The following BCL7A variants were observed in gnomAD, a reference collection of about 807,000 sequenced individuals.
The protein encoded by BCL7A is B-cell CLL/lymphoma 7 protein family member A.
BCL7A carries 11 observed loss-of-function variants against 28.4 expected under a neutral mutation model. The observed-to-expected ratio is 0.39, with a 90% CI of 0.24 to 0.64. The LOEUF (loss-of-function observed/expected upper bound fraction) is 0.64. Ranked by LOEUF, BCL7A falls within the 30% of genes least tolerant of loss-of-function variation. The pLI, the probability that BCL7A is intolerant of heterozygous loss-of-function variation, is 0.50. For missense variants in BCL7A, 222 were observed against 274.8 expected, an observed-to-expected ratio of 0.81 and a Z score of 1.36; for synonymous variants, 123 against 103.3, an observed-to-expected ratio of 1.19 and a Z score of -1.15.
intron 1 of BCL7A, among the ~76,000 whole-genome samples, chr12:122,023,281 G>C (rs2135834338): frequency 6.6e-6 from 1 of 152,324 alleles, no homozygotes; most frequent in Admixed American, 6.5e-5. Flanking sequence ...GTCCCGGAGG[G>C]AGAGGAGCCG....
chr12:122,027,881 C>T (rs2135839965), intron 1 of BCL7A, among the ~76,000 whole-genome samples: 1 of 152,198 alleles, frequency 6.6e-6, no homozygotes, highest in Middle Eastern at 3.4e-3. Context: ...ATGAGTATAG[C>T]TTAATACCCT....
chr12:122,061,919 G>T lies in BCL7A; in HGVS notation c.*2756G>T, dbSNP rs376448883. ...GTTACCTAATTTTTTCCCCTTTCAA[G>T]AATTTTTTTTTTTTTTGGTGTGTTG... On this transcript the variant is annotated 3_prime_UTR_variant, in exon 6 of 6. Coordinates refer to ENST00000261822, the MANE Select transcript of BCL7A (RefSeq NM_001024808.3). The T allele has an allele frequency of 6.3e-5, 13 of 206,328 alleles. No individual in the cohort carries two copies. The East Asian group carries it at 8.1e-4, about 13-fold the overall frequency. The allele number at this position is 206,328 out of a possible 1,614,324, so 12.8% of individuals were successfully genotyped here.
At chr12:122,025,440 T>C (rs1404388840) in intron 1 of BCL7A, among the ~76,000 whole-genome samples, 2 of 149,202 alleles carry the variant, frequency 1.3e-5, no homozygotes, top group African/African-American at 2.5e-5. Flanking sequence ...CTGGCAAACA[T>C]GGTGAAACCC....
At chr12:122,057,476 C>T (rs992802822) in intron 5 of BCL7A, among the ~76,000 whole-genome samples, 2 of 152,126 alleles carry the variant, frequency 1.3e-5, no homozygotes, top group Non-Finnish European at 2.9e-5. Flanking sequence ...GTTGCTGGGG[C>T]CATCCTGTTG....
At chr12:122,032,844 C>G (rs887114282) in intron 2 of BCL7A, among the ~76,000 whole-genome samples, 3 of 152,160 alleles carry the variant, frequency 2.0e-5, no homozygotes, top group Admixed American at 2.0e-4. Flanking sequence ...CCATGTGCCA[C>G]TCCCCCACCC....
chr12:122,051,703 C>T (rs972178046), intron 4 of BCL7A, among the ~76,000 whole-genome samples: 3 of 152,120 alleles, frequency 2.0e-5, no homozygotes, highest in African/African-American at 7.2e-5. Context: ...CACCCACCTC[C>T]CCCACCACTC....
intron 1 of BCL7A, among the ~76,000 whole-genome samples, chr12:122,024,195 T>A (rs1593020463): frequency 6.6e-6 from 1 of 152,202 alleles, no homozygotes; most frequent in South Asian, 2.1e-4. Context: ...AAACAACACA[T>A]CGTGTCCTCT....
chr12:122,030,083 G>C (rs1883709229), intron 1 of BCL7A, among the ~76,000 whole-genome samples: 1 of 152,156 alleles, frequency 6.6e-6, no homozygotes, highest in Admixed American at 6.5e-5. Flanking sequence ...CAGGGGTGCA[G>C]TTCCCCTCCC....
At chr12:122,044,093 G>A in intron 4 of BCL7A, 40 bp downstream of exon 4, 1 of 1,586,602 alleles carries the variant, frequency 6.3e-7, no homozygotes, top group South Asian at 1.1e-5. Flanking sequence ...CGGCCTCCCT[G>A]TAACCGGCCT....
intron 3 of BCL7A, 106 bp downstream of exon 3, chr12:122,035,533 G>A: frequency 9.9e-7 from 1 of 1,013,842 alleles, no homozygotes; most frequent in South Asian, 1.5e-5. Context: ...TTCCAGGCAA[G>A]GGGTAGGAGG....
rs972492393 is a variant in BCL7A, at chr12:122,061,399, G to A, written c.*2236G>A. 1.3e-5 allele frequency: 3 copies of A among 231,870 alleles called. No individual in the cohort carries two copies. Among genetic ancestry groups the A allele is most frequent in the East Asian group, 6.1e-5 (1 of 16,436 alleles). 14.4% of individuals were successfully genotyped at this position (231,870 alleles called of 1,614,324 possible). A position where few individuals can be genotyped will look rare whatever the true frequency, so the allele number is the denominator to read the frequency against. On this transcript the variant is annotated 3_prime_UTR_variant, in exon 6 of 6. Transcript: ENST00000261822. ...TGCCTGAAGGTAGGAATGGGCCGGCGATTGGGACCAGCTGGGCCCCACCAC... is the reference window on the plus strand; with the variant it reads ...TGCCTGAAGGTAGGAATGGGCCGGCAATTGGGACCAGCTGGGCCCCACCAC...
intron 4 of BCL7A, 183 bp downstream of exon 4, chr12:122,044,236 C>T: frequency 1.4e-6 from 1 of 692,060 alleles, no homozygotes; most frequent in Non-Finnish European, 2.3e-6. Context: ...AGGCCAGGTG[C>T]AGTGGCTCAT....
Position 122,029,980 on chromosome 12 carries a change from G to A in BCL7A, c.93-720G>A, listed in dbSNP as rs1005182085. ...TAAGTTTCTCCTCATCCATAAACCT[G>A]CCTCTCACAGTGGGGGGTCTGGACT... On this transcript the variant is annotated intron_variant, in intron 1 of 5. Transcript: ENST00000261822. This position sits in a 1 kb window ranked among gnomAD's most constrained non-coding sequence, Gnocchi z 4.3. Among the ~76,000 whole-genome samples, 4 of 152,146 alleles carry A rather than the reference G, an allele frequency of 2.6e-5. No homozygotes were observed. Among genetic ancestry groups the A allele is most frequent in the African/African-American group, 4.8e-5 (2 of 41,432 alleles).
At chr12:122,051,017 G>T (rs1377190803) in intron 4 of BCL7A, among the ~76,000 whole-genome samples, 5 of 152,196 alleles carry the variant, frequency 3.3e-5, no homozygotes, top group Non-Finnish European at 5.9e-5. Context: ...TTCCCATCCT[G>T]GTTTCTTTCT....
intron 5 of BCL7A, among the ~76,000 whole-genome samples, chr12:122,058,653 A>G (rs1320477830): frequency 6.6e-6 from 1 of 152,168 alleles, no homozygotes; most frequent in African/African-American, 2.4e-5. Context: ...GTGAGACTCC[A>G]TCTCAACAAC....
chr12:122,039,318 A>AT (rs1281105989), intron 3 of BCL7A, among the ~76,000 whole-genome samples: 5 of 148,954 alleles, frequency 3.4e-5, no homozygotes, highest in East Asian at 3.9e-4. Flanking sequence ...ATTAAAAAAA[A>AT]AAATAATAAT....
intron 3 of BCL7A, 103 bp from the exon 4 acceptor site, chr12:122,043,783 T>C: frequency 3.3e-6 from 4 of 1,210,922 alleles, no homozygotes; most frequent in Non-Finnish European, 4.5e-6. Flanking sequence ...AGAGCTGCCA[T>C]GGGGTTCCGG....
chr12:122,060,795 T>G lies in BCL7A; in HGVS notation c.*1632T>G, dbSNP rs1307812091. On this transcript the variant is annotated 3_prime_UTR_variant, in exon 6 of 6. Coordinates refer to ENST00000261822, the MANE Select transcript of BCL7A (RefSeq NM_001024808.3). Reference sequence around the variant, plus strand: ...GTTTCTGAGGGTGAGGCTCTTATTTTTTTTTTTAAGGGATCCTGTCTATTT... The same window carrying G: ...GTTTCTGAGGGTGAGGCTCTTATTTGTTTTTTTAAGGGATCCTGTCTATTT... 4.3e-6 allele frequency: 1 copy of G among 231,042 alleles called. No homozygotes were observed. Among genetic ancestry groups the G allele is most frequent in the East Asian group, 6.1e-5 (1 of 16,290 alleles). 14.3% of individuals were successfully genotyped at this position (231,042 alleles called of 1,614,324 possible).
chr12:122,036,516 C>A (rs1218329483), intron 3 of BCL7A, among the ~76,000 whole-genome samples: 1 of 152,152 alleles, frequency 6.6e-6, no homozygotes, highest in East Asian at 1.9e-4. Flanking sequence ...TCTGTTTTGA[C>A]CTTTTTATTT....
Sources: gnomAD v4.1 joint callset for allele counts (sites outside exome capture counted in the v4.1 genomes callset) on GRCh38, gnomAD v4.1.1 for gene constraint, Gnocchi (gnomAD v3.1) non-coding constraint, MANE v1.5 for transcripts, NCBI Gene and HGNC (gene_info 2026-07-23, HGNC 2026-07-21) for gene names.